Variants in DHRSX observed in about 807,000 individuals in gnomAD.
DHRSX encodes polyprenol dehydrogenase.
Under a neutral mutation model 34.0 loss-of-function variants are expected in DHRSX, and 31 were observed. The observed-to-expected ratio is 0.91, with a 90% CI of 0.69 to 1.23. DHRSX has a LOEUF of 1.23. Ranked by LOEUF, DHRSX falls within the 50% of genes most tolerant of loss-of-function variation. DHRSX has a pLI of 0.00. For synonymous variants in DHRSX, 201 were observed against 183.8 expected (o/e 1.09, Z -0.76); for missense variants, 414 against 428.1 (o/e 0.97, Z 0.29).
chrX:2,376,723 T>C (rs7059967), intron 3 of DHRSX, among the ~76,000 whole-genome samples: 15,117 of 93,012 alleles, frequency 0.16, 2,816 homozygotes, highest in African/African-American at 0.31. Context: ...AGGCCGGGTA[T>C]AGTGGCTCAC....
chrX:2,336,530 G>A (rs2042566283), intron 3 of DHRSX: 1 of 151,964 alleles, frequency 6.6e-6, no homozygotes, highest in Non-Finnish European at 1.5e-5. Context: ...CAGTACTGGG[G>A]TATCCTGTTC....
chrX:2,401,985 A>G (rs2043491563), intron 3 of DHRSX, among the ~76,000 whole-genome samples: 2 of 152,192 alleles, frequency 1.3e-5, no homozygotes, highest in African/African-American at 4.8e-5. Context: ...GTGGGATCTC[A>G]GAGGAGCACG....
chrX:2,318,192 GAA>G (rs559205251), intron 3 of DHRSX, among the ~76,000 whole-genome samples: 17,707 of 108,528 alleles, frequency 0.16, 1,541 homozygotes, highest in Middle Eastern at 0.23. Context: ...CAAAAATACA[GAA>G]AAAAAAAAAA....
Position 2,435,758 on chromosome X carries a change from C to T in DHRSX, c.110-10454G>A, listed in dbSNP as rs1041358569. ...CCAGCCTGGGCAACAGAGCAAGATC[C>T]TGTCTCTAAAAATAAATGAATAGAT... On this transcript the variant is annotated intron_variant, in intron 1 of 6. Coordinates refer to ENST00000334651, the MANE Select transcript of DHRSX (RefSeq NM_145177.3). 5.3e-5 allele frequency among the ~76,000 whole-genome samples: 8 copies of T among 152,140 alleles called. 1 individual carries two copies. The highest frequency in any genetic ancestry group is 5.2e-4 in the Admixed American group (8 of 15,264).
intron 3 of DHRSX, among the ~76,000 whole-genome samples, chrX:2,303,199 G>A (rs752918490): frequency 6.6e-6 from 1 of 152,308 alleles, no homozygotes; most frequent in South Asian, 2.1e-4. Context: ...ATAGCCACTA[G>A]CAACATGAAC....
At chrX:2,226,404 TG>T (rs2015661674) in intron 6 of DHRSX, among the ~76,000 whole-genome samples, 1 of 152,126 alleles carries the variant, frequency 6.6e-6, no homozygotes, top group African/African-American at 2.4e-5. Context: ...TCTGTGTTCA[TG>T]GGACTGTTCA....
chrX:2,333,960 G>A (rs948409041), intron 3 of DHRSX, among the ~76,000 whole-genome samples: 1 of 152,034 alleles, frequency 6.6e-6, no homozygotes, highest in South Asian at 2.1e-4. Context: ...AGTATTCCAC[G>A]ACGTACATGT....
intron 1 of DHRSX, among the ~76,000 whole-genome samples, chrX:2,484,258 C>T (rs954169786): frequency 3.9e-5 from 6 of 152,322 alleles, no homozygotes; most frequent in Admixed American, 1.3e-4. Flanking sequence ...CAGATGTGAG[C>T]CACCACACCC....
intron 3 of DHRSX, among the ~76,000 whole-genome samples, chrX:2,301,520 T>C (rs780487762): frequency 6.6e-6 from 1 of 152,344 alleles, no homozygotes; most frequent in African/African-American, 2.4e-5. Context: ...TTTGGTCTTA[T>C]TGCTGCGTGG....
At chrX:2,389,465 A>C (rs184633064) in intron 3 of DHRSX, among the ~76,000 whole-genome samples, 2 of 152,302 alleles carry the variant, frequency 1.3e-5, no homozygotes, top group Non-Finnish European at 2.9e-5. Context: ...GTTTCCATGC[A>C]GGAGCTTGGG....
chrX:2,457,875 G>A (rs911275961), intron 1 of DHRSX, among the ~76,000 whole-genome samples: 1 of 151,852 alleles, frequency 6.6e-6, no homozygotes. Context: ...CGTTCCCTAA[G>A]AAAGCAGCCA....
chrX:2,225,098 C>G (rs753362669), intron 6 of DHRSX, among the ~76,000 whole-genome samples: 46 of 150,594 alleles, frequency 3.1e-4, no homozygotes, highest in African/African-American at 1.1e-3. Context: ...TTCACATGCA[C>G]ACAGCTCACA....
chrX:2,302,472 C>G (rs1415156037), intron 3 of DHRSX, among the ~76,000 whole-genome samples: 1 of 152,042 alleles, frequency 6.6e-6, no homozygotes, highest in Non-Finnish European at 1.5e-5. Context: ...ACTAGCCGGG[C>G]ATGGGGTCAG....
chrX:2,348,974 A>G (rs1186385274), intron 3 of DHRSX, among the ~76,000 whole-genome samples: 2 of 152,092 alleles, frequency 1.3e-5, no homozygotes, highest in African/African-American at 4.8e-5. Context: ...GATTACAAGC[A>G]TGAGCCACCG....
intron 3 of DHRSX, among the ~76,000 whole-genome samples, chrX:2,401,840 G>A (rs2043489561): frequency 6.6e-6 from 1 of 152,148 alleles, no homozygotes; most frequent in Non-Finnish European, 1.5e-5. Context: ...GAGTGAAAAC[G>A]CTTCCCTGGA....
chrX:2,396,622 C>A (rs1481347543), intron 3 of DHRSX, among the ~76,000 whole-genome samples: 1 of 151,942 alleles, frequency 6.6e-6, no homozygotes, highest in East Asian at 1.9e-4. Flanking sequence ...AAGCAATCCA[C>A]CCGCCTTGGC....
At chrX:2,361,387 G>C (rs1221165055) in intron 3 of DHRSX, among the ~76,000 whole-genome samples, 1 of 152,124 alleles carries the variant, frequency 6.6e-6, no homozygotes, top group Non-Finnish European at 1.5e-5. Context: ...TTACAGGTGT[G>C]AGCTACCGCA....
chrX:2,364,772 T>C (rs1340800143), intron 3 of DHRSX, among the ~76,000 whole-genome samples: 1 of 152,236 alleles, frequency 6.6e-6, no homozygotes, highest in African/African-American at 2.4e-5. Context: ...ATATAGCATC[T>C]GTTTACTCTC....
chrX:2,256,362 C>T (rs1357953503), intron 5 of DHRSX, among the ~76,000 whole-genome samples: 3 of 151,392 alleles, frequency 2.0e-5, no homozygotes, highest in Non-Finnish European at 4.4e-5. Context: ...GTAGCATGAT[C>T]TTGGCCCACT....
Sources: gnomAD v4.1 joint callset for allele counts (sites outside exome capture counted in the v4.1 genomes callset) on GRCh38, gnomAD v4.1.1 for gene constraint, MANE v1.5 for transcripts, NCBI Gene and HGNC (gene_info 2026-07-23, HGNC 2026-07-21) for gene names.